SNX29: variants seen among roughly 807,000 people sequenced by gnomAD.
SNX29 encodes sorting nexin 29, also known as sorting nexin-29.
SNX29 carries 78 observed loss-of-function variants against 102.1 expected under a neutral mutation model. The ratio of observed to expected loss-of-function variants is 0.76; its 90% confidence interval spans 0.64 to 0.92. The LOEUF (loss-of-function observed/expected upper bound fraction) is 0.92. Ranked by LOEUF, SNX29 falls within the 40% of genes least tolerant of loss-of-function variation. The probability of loss-of-function intolerance (pLI) is 0.00; values close to 1 mark genes in which losing one functional copy is unlikely to be tolerated. For synonymous variants in SNX29, 580 were observed against 414.5 expected (o/e 1.40, Z -4.85); for missense variants, 1,280 against 1,061.7 (o/e 1.21, Z -2.86).
intron 13 of SNX29, among the ~76,000 whole-genome samples, chr16:12,156,249 C>T (rs2141626763): frequency 6.6e-6 from 1 of 152,364 alleles, no homozygotes; most frequent in East Asian, 1.9e-4. Context: ...TCTTGGCTCA[C>T]TGCAACCTCT....
In SNX29 at chr16:12,061,600, C is replaced by T. The variant is rs553301114; in HGVS notation, c.1197C>T (p.Ser399=). The change falls in exon 9 of 21, where the codon TCC becomes TCT. Residue 399 remains serine (S), a synonymous_variant. Transcript: ENST00000566228. The part of the protein sequence containing the change: ...WAPLKVLHND[S]DILFPVSGVG... ...CGCTGAAGGTGCTGCACAATGACTC[C>T]GACATCCTCTTCCCTGTCAGTGGCG... The T allele has an allele frequency of 1.6e-5, 26 of 1,612,088 alleles. 1 individual carries two copies. The highest frequency in any genetic ancestry group is 1.2e-4 in the African/African-American group (9 of 75,010).
intron 15 of SNX29, among the ~76,000 whole-genome samples, chr16:12,346,041 T>C (rs2081791487): frequency 6.6e-6 from 1 of 152,174 alleles, no homozygotes; most frequent in African/African-American, 2.4e-5. Flanking sequence ...TTGAAGCAAA[T>C]TGCAGACATC....
intron 20 of SNX29, among the ~76,000 whole-genome samples, chr16:12,533,929 T>A (rs972967793): frequency 2.0e-5 from 3 of 152,230 alleles, no homozygotes; most frequent in Non-Finnish European, 4.4e-5. Flanking sequence ...AAATCTGATG[T>A]TTAAGTTGGT....
At chr16:12,557,342 CAG>C (rs149412057) in intron 20 of SNX29, 1,831 of 152,288 alleles carry the variant, frequency 0.012, 53 homozygotes, top group South Asian at 0.11. Flanking sequence ...GGAAGAACCT[CAG>C]AAGAGGGTGG....
chr16:12,385,394 C>T (rs1050866611), intron 16 of SNX29, among the ~76,000 whole-genome samples: 4 of 152,150 alleles, frequency 2.6e-5, no homozygotes, highest in Non-Finnish European at 4.4e-5. Flanking sequence ...TGATTGTCAT[C>T]CTCAAAGAGT....
At chr16:12,314,535 G>A (rs747247421) in intron 15 of SNX29, among the ~76,000 whole-genome samples, 1 of 152,326 alleles carries the variant, frequency 6.6e-6, no homozygotes. Flanking sequence ...ATAGTGGTTT[G>A]TTGTGAGGAC....
At position 12,557,025 on chromosome 16, in the gene SNX29, CG is replaced by C. The variant is rs1384743973; in HGVS notation, c.2319-11480del. On this transcript the variant is annotated intron_variant, in intron 20 of 20. Transcript: ENST00000566228. ...ACATCTGGCTAATTTACCCCCCCCC[CG>C]CCCCAAGATGAGGTCTTGCTATGTG... Among the ~76,000 whole-genome samples the C allele has an allele frequency of 5.0e-3, 102 of 20,448 alleles. 3 individuals are homozygous for C. Among genetic ancestry groups the C allele is most frequent in the Non-Finnish European group, 8.4e-3 (53 of 6,304 alleles). The allele number at this position is 20,448 out of a possible 152,430, so 13.4% of individuals were successfully genotyped here.
chr16:12,559,835 C>G (rs1399736829), intron 20 of SNX29, among the ~76,000 whole-genome samples: 14 of 152,152 alleles, frequency 9.2e-5, no homozygotes, highest in Non-Finnish European at 1.6e-4. Flanking sequence ...CTCTGGCATT[C>G]TAATGCCAGA....
intron 13 of SNX29, among the ~76,000 whole-genome samples, chr16:12,181,601 C>T (rs979313006): frequency 6.6e-6 from 1 of 151,984 alleles, no homozygotes; most frequent in Admixed American, 6.6e-5. Context: ...CCCAAGATTT[C>T]TTTTCCTTTC....
intron 18 of SNX29, among the ~76,000 whole-genome samples, chr16:12,434,860 C>G (rs1383800957): frequency 1.3e-5 from 2 of 151,040 alleles, no homozygotes; most frequent in Non-Finnish European, 2.9e-5. Flanking sequence ...CATGCTGCCA[C>G]TTTGTAACAG....
chr16:12,533,114 C>G (rs554982287), intron 20 of SNX29, among the ~76,000 whole-genome samples: 1 of 152,228 alleles, frequency 6.6e-6, no homozygotes, highest in Non-Finnish European at 1.5e-5. Context: ...AGGTTCAACT[C>G]GACAGCTCTG....
chr16:12,258,999 CAGAG>C (rs1439822522), intron 14 of SNX29, among the ~76,000 whole-genome samples: 1 of 152,170 alleles, frequency 6.6e-6, no homozygotes, highest in Non-Finnish European at 1.5e-5. Flanking sequence ...CATCAGCAGA[CAGAG>C]AGCTGGATTC....
chr16:12,126,789 T>C, intron 12 of SNX29, 93 bp downstream of exon 12: 1 of 1,429,762 alleles, frequency 7.0e-7, no homozygotes, highest in Non-Finnish European at 9.7e-7. Flanking sequence ...ACATTTTGCT[T>C]TCTTGGCAAA....
At chr16:12,394,101 A>G (rs988664223) in intron 16 of SNX29, among the ~76,000 whole-genome samples, 1 of 152,244 alleles carries the variant, frequency 6.6e-6, no homozygotes, top group Admixed American at 6.5e-5. Flanking sequence ...GTCTTCCTGC[A>G]GCAGCAACAG....
intron 18 of SNX29, among the ~76,000 whole-genome samples, chr16:12,442,300 T>C (rs891571063): frequency 1.3e-5 from 2 of 152,228 alleles, no homozygotes; most frequent in African/African-American, 4.8e-5. Context: ...TCTGACAGTG[T>C]CACTCAGTCT....
At chr16:12,396,602 TC>T (rs2083731403) in intron 16 of SNX29, among the ~76,000 whole-genome samples, 1 of 152,174 alleles carries the variant, frequency 6.6e-6, no homozygotes, top group East Asian at 1.9e-4. Flanking sequence ...GATACTGGCG[TC>T]CTCCACATGG....
intron 20 of SNX29, among the ~76,000 whole-genome samples, chr16:12,562,721 C>T (rs997366489): frequency 6.6e-6 from 1 of 152,172 alleles, no homozygotes; most frequent in Admixed American, 6.5e-5. Context: ...TACCGTGGTA[C>T]TGTTTCTCGC....
chr16:12,566,776 A>G (rs796575563), intron 20 of SNX29, among the ~76,000 whole-genome samples: 43 of 151,636 alleles, frequency 2.8e-4, no homozygotes, highest in African/African-American at 9.9e-4. Flanking sequence ...AGGAAAGCAC[A>G]GCACACGCCA....
At position 12,430,852 on chromosome 16, in the gene SNX29, CTT is replaced by C. The variant is rs56349621; in HGVS notation, c.2037+27338_2037+27339del. 7.4e-3 allele frequency among the ~76,000 whole-genome samples: 1,031 copies of C among 139,052 alleles called. 10 individuals carry two copies. The highest frequency in any genetic ancestry group is 0.026 in the African/African-American group (978 of 38,238). 91.2% of individuals were successfully genotyped at this position (139,052 alleles called of 152,430 possible). A position where few individuals can be genotyped will look rare whatever the true frequency, so the allele number is the denominator to read the frequency against. ...AGGAGGGGGTGATTCTTGACGCAGT[CTT>C]TTTTTTTTTTTTTTGAGATGGAATC... On this transcript the variant is annotated intron_variant, in intron 18 of 20. Coordinates refer to ENST00000566228, the MANE Select transcript of SNX29 (RefSeq NM_032167.5).
Sources: gnomAD v4.1 joint callset for allele counts (sites outside exome capture counted in the v4.1 genomes callset) on GRCh38, gnomAD v4.1.1 for gene constraint, MANE v1.5 for transcripts, NCBI Gene and HGNC (gene_info 2026-07-23, HGNC 2026-07-21) for gene names.